Variants in EYS observed in about 807,000 individuals in gnomAD.
The protein encoded by EYS is protein eyes shut homolog.
In EYS, 250 loss-of-function variants were observed where a neutral mutation model predicts 282.1. The ratio of observed to expected loss-of-function variants is 0.89; its 90% confidence interval spans 0.80 to 0.98. EYS has a LOEUF of 0.98. EYS is among the 50% of genes least tolerant of loss of function. The probability of loss-of-function intolerance (pLI) is 0.00; values close to 1 mark genes in which losing one functional copy is unlikely to be tolerated. For synonymous variants in EYS, 1,355 were observed against 1,282.9 expected, an observed-to-expected ratio of 1.06 and a Z score of -1.20; for missense variants, 4,016 against 3,709.0, an observed-to-expected ratio of 1.08 and a Z score of -2.15.
rs550492899 is a variant in EYS at position 63,870,908 on chromosome 6, C to T, written c.7056-6550G>A. 7.2e-5 allele frequency among the ~76,000 whole-genome samples: 11 copies of T among 152,308 alleles called. No individual in the cohort carries two copies. The South Asian group carries it at 2.1e-3, about 29-fold the overall frequency. Reference sequence around the variant, plus strand: ...AATTCACCACTTCATCAAAATTCATCAAATTTGATTAAATATCAAATTCTC... The same window carrying T: ...AATTCACCACTTCATCAAAATTCATTAAATTTGATTAAATATCAAATTCTC... On this transcript the variant is annotated intron_variant, in intron 35 of 42. Coordinates refer to ENST00000503581, the MANE Select transcript of EYS (RefSeq NM_001142800.2).
At chr6:64,062,858 T>A (rs1771226198) in intron 33 of EYS, among the ~76,000 whole-genome samples, 1 of 152,158 alleles carries the variant, frequency 6.6e-6, no homozygotes, top group Non-Finnish European at 1.5e-5. Context: ...CCTCTTTTTA[T>A]ACTTCCAAAT....
intron 41 of EYS, among the ~76,000 whole-genome samples, chr6:63,728,682 C>A (rs1768703662): frequency 6.6e-6 from 1 of 152,292 alleles, no homozygotes; most frequent in African/African-American, 2.4e-5. Context: ...CAGTATCATA[C>A]ATAAAATCAT....
chr6:64,154,214 G>A (rs1256773285), intron 31 of EYS, among the ~76,000 whole-genome samples: 1 of 152,150 alleles, frequency 6.6e-6, no homozygotes, highest in Non-Finnish European at 1.5e-5. Context: ...GCCAAGGCAG[G>A]CAGATCACAA....
chr6:64,255,296 A>G (rs747662978), intron 30 of EYS, among the ~76,000 whole-genome samples: 1 of 152,076 alleles, frequency 6.6e-6, no homozygotes, highest in African/African-American at 2.4e-5. Flanking sequence ...AATGATTAGG[A>G]TACTCAGATC....
At chr6:63,993,871 G>A (rs933325815) in intron 34 of EYS, among the ~76,000 whole-genome samples, 1 of 151,780 alleles carries the variant, frequency 6.6e-6, no homozygotes, top group African/African-American at 2.4e-5. Context: ...AAATGGGAGA[G>A]GTTCCCACTT....
chr6:64,416,048 G>T (rs900040365), intron 28 of EYS, among the ~76,000 whole-genome samples: 9 of 152,088 alleles, frequency 5.9e-5, no homozygotes, highest in Non-Finnish European at 1.3e-4. Context: ...AAAAGAAGTT[G>T]GTCTCTCCTT....
At chr6:64,119,340 G>A (rs1055965415) in intron 31 of EYS, among the ~76,000 whole-genome samples, 1 of 152,066 alleles carries the variant, frequency 6.6e-6, no homozygotes, top group Non-Finnish European at 1.5e-5. Flanking sequence ...TTTGGCTTAC[G>A]ATACGTATAC....
intron 14 of EYS, among the ~76,000 whole-genome samples, chr6:64,968,922 TC>T (rs749634985): frequency 2.0e-5 from 3 of 152,212 alleles, no homozygotes; most frequent in Non-Finnish European, 4.4e-5. Flanking sequence ...AAGACCAAGC[TC>T]TTTTCCCTCA....
chr6:64,187,358 C>A (rs886691272), intron 31 of EYS, among the ~76,000 whole-genome samples: 4 of 152,066 alleles, frequency 2.6e-5, no homozygotes, highest in Admixed American at 2.0e-4. Context: ...ATAAAAACAG[C>A]TTAATTCTTA....
At chr6:64,623,087 T>C (rs955327486) in intron 23 of EYS, among the ~76,000 whole-genome samples, 5 of 152,156 alleles carry the variant, frequency 3.3e-5, no homozygotes, top group Admixed American at 1.3e-4. Context: ...TGAACCACAC[T>C]GATTGATTTT....
At chr6:64,661,042 T>A (rs1224050012) in intron 22 of EYS, among the ~76,000 whole-genome samples, 1 of 152,098 alleles carries the variant, frequency 6.6e-6, no homozygotes, top group African/African-American at 2.4e-5. Context: ...AACAGAGATA[T>A]AGACCAATGG....
intron 12 of EYS, among the ~76,000 whole-genome samples, chr6:65,284,679 C>T (rs1250619940): frequency 6.6e-6 from 1 of 151,966 alleles, no homozygotes; most frequent in East Asian, 1.9e-4. Flanking sequence ...TAATTAATCA[C>T]TATGGCCTCA....
At chr6:65,043,265 T>A (rs1395293105) in intron 13 of EYS, among the ~76,000 whole-genome samples, 4 of 151,546 alleles carry the variant, frequency 2.6e-5, no homozygotes, top group Non-Finnish European at 5.9e-5. Context: ...TAGTAAGTGT[T>A]TAAAGCAAAT....
intron 13 of EYS, among the ~76,000 whole-genome samples, chr6:65,024,562 C>A (rs938138895): frequency 6.6e-6 from 1 of 152,098 alleles, no homozygotes; most frequent in African/African-American, 2.4e-5. Context: ...TGGTTTACTT[C>A]TTCAAAATTG....
intron 22 of EYS, among the ~76,000 whole-genome samples, chr6:64,706,482 A>C (rs537381741): frequency 1.3e-5 from 2 of 152,274 alleles, no homozygotes; most frequent in South Asian, 4.1e-4. Flanking sequence ...TAAACTAAAA[A>C]ACTCTGCACT....
intron 41 of EYS, among the ~76,000 whole-genome samples, chr6:63,757,688 T>C (rs1769524912): frequency 6.6e-6 from 1 of 152,098 alleles, no homozygotes; most frequent in Non-Finnish European, 1.5e-5. Flanking sequence ...TTGTACTCTT[T>C]CTCTTTATTT....
At chr6:63,834,658 T>C (rs1351869523) in intron 36 of EYS, among the ~76,000 whole-genome samples, 1 of 150,418 alleles carries the variant, frequency 6.6e-6, no homozygotes, top group South Asian at 2.1e-4. Context: ...TCCTCAAGGA[T>C]CTAAAGCTAG....
At chr6:65,447,218 A>G (rs909203661) in intron 5 of EYS, among the ~76,000 whole-genome samples, 1 of 150,738 alleles carries the variant, frequency 6.6e-6, no homozygotes, top group African/African-American at 2.4e-5. Context: ...CAATGTTGCA[A>G]TATTTGTGAG....
At chr6:64,111,440 G>A (rs534856491) in intron 31 of EYS, among the ~76,000 whole-genome samples, 11 of 152,118 alleles carry the variant, frequency 7.2e-5, no homozygotes, top group African/African-American at 1.7e-4. Flanking sequence ...ATGGCAGTGC[G>A]GATAAAAAGC....
Sources: allele counts gnomAD v4.1 joint callset (sites outside exome capture counted in the v4.1 genomes callset), GRCh38; gene constraint gnomAD v4.1.1; transcripts MANE v1.5; gene names NCBI Gene and HGNC (gene_info 2026-07-23, HGNC 2026-07-21).